Variants in SOBP observed in about 807,000 individuals in gnomAD.
The protein encoded by SOBP is sine oculis-binding protein homolog.
Under a neutral mutation model 53.6 loss-of-function variants are expected in SOBP, and 4 were observed. The ratio of observed to expected loss-of-function variants is 0.07; its 90% CI spans 0.04 to 0.17. The LOEUF (loss-of-function observed/expected upper bound fraction) is 0.17. Ranked by LOEUF, SOBP falls within the 10% of genes least tolerant of loss-of-function variation. The pLI is 1.00. For missense variants in SOBP, 1,088 were observed against 1,204.7 expected, an observed-to-expected ratio of 0.90 and a Z score of 1.43; for synonymous variants, 584 against 522.6, an observed-to-expected ratio of 1.12 and a Z score of -1.60.
chr6:107,490,365 A>C lies in SOBP; in HGVS notation c.-252A>C. 6.0e-6 allele frequency: 1 copy of C among 166,156 alleles called. No homozygotes were observed. 10.3% of individuals were successfully genotyped at this position (166,156 alleles called of 1,614,324 possible). A position where few individuals can be genotyped will look rare whatever the true frequency, so the allele number is the denominator to read the frequency against. ...GGCGGCGGCAGCAGGAGCCGGAGCGACGGCGGCGGCATCCCCGAGACTCTC... is the reference window on the plus strand; with the variant it reads ...GGCGGCGGCAGCAGGAGCCGGAGCGCCGGCGGCGGCATCCCCGAGACTCTC... On this transcript the variant is annotated 5_prime_UTR_variant, in exon 1 of 7. Transcript: ENST00000317357.
At chr6:107,594,314 T>C (rs1003340175) in intron 5 of SOBP, among the ~76,000 whole-genome samples, 1 of 152,158 alleles carries the variant, frequency 6.6e-6, no homozygotes, top group Non-Finnish European at 1.5e-5. Flanking sequence ...GATGATTTAT[T>C]CCAAGGTTGC....
chr6:107,588,481 G>A (rs1347044250), intron 5 of SOBP, among the ~76,000 whole-genome samples: 1 of 152,122 alleles, frequency 6.6e-6, no homozygotes, highest in Non-Finnish European at 1.5e-5. Context: ...TTCCAGGACT[G>A]CTAGCATTAC....
chr6:107,595,839 G>A (rs1169500351), intron 5 of SOBP, among the ~76,000 whole-genome samples: 2 of 152,134 alleles, frequency 1.3e-5, no homozygotes, highest in Non-Finnish European at 2.9e-5. Context: ...GACTGGTAAG[G>A]CAATTTTAAA....
chr6:107,575,706 C>T (rs918698052), intron 4 of SOBP, among the ~76,000 whole-genome samples: 2 of 152,068 alleles, frequency 1.3e-5, no homozygotes, highest in African/African-American at 2.4e-5. Context: ...CCCCAAAATA[C>T]ACCTCCTGGA....
chr6:107,660,608 A>G lies in SOBP; in HGVS notation c.*2405A>G, dbSNP rs1772255657. On this transcript the variant is annotated 3_prime_UTR_variant, in exon 7 of 7. Coordinates refer to ENST00000317357, the MANE Select transcript of SOBP (RefSeq NM_018013.4). ...CACTGACTAGAGAGACTTTTATTTC[A>G]GCCTTATGTGAATGGGGTGGGTCCG... 6.6e-6 allele frequency among the ~76,000 whole-genome samples: 1 copy of G among 152,166 alleles called. No individual in the cohort carries two copies. Among genetic ancestry groups the G allele is most frequent in the Non-Finnish European group, 1.5e-5 (1 of 68,030 alleles).
intron 4 of SOBP, among the ~76,000 whole-genome samples, chr6:107,570,929 G>A (rs1048023852): frequency 9.9e-5 from 15 of 152,150 alleles, no homozygotes; most frequent in African/African-American, 3.1e-4. Flanking sequence ...TTGTGCTTAC[G>A]GTTTTCGTGA....
At position 107,659,003 on chromosome 6, in the gene SOBP, T is replaced by C. The variant is rs900365664; in HGVS notation, c.*800T>C. On this transcript the variant is annotated 3_prime_UTR_variant, in exon 7 of 7. Coordinates refer to ENST00000317357, the MANE Select transcript of SOBP (RefSeq NM_018013.4). The stretch of plus-strand genomic sequence containing the variant: ...TATTCTTCTCAGCTTTCTCTTTAAA[T>C]TCCCCTAAATAGCGCCCCATTTGGG... 2 of 152,648 alleles carry C rather than the reference T, an allele frequency of 1.3e-5. No homozygotes were observed. The highest frequency in any genetic ancestry group is 1.3e-4 in the Admixed American group (2 of 15,288). The allele number at this position is 152,648 out of a possible 1,614,324, so 9.5% of individuals were successfully genotyped here. A position where few individuals can be genotyped will look rare whatever the true frequency, so the allele number is the denominator to read the frequency against.
chr6:107,616,994 G>A (rs1447228309), intron 5 of SOBP, among the ~76,000 whole-genome samples: 2 of 152,144 alleles, frequency 1.3e-5, no homozygotes, highest in African/African-American at 4.8e-5. Context: ...AGGGGCTCCC[G>A]GGCAGTTGCT....
intron 4 of SOBP, among the ~76,000 whole-genome samples, chr6:107,553,298 T>TTTTTTTTA (rs1554294431): frequency 9.7e-4 from 135 of 139,430 alleles, no homozygotes; most frequent in Admixed American, 3.0e-3. Flanking sequence ...CTTATTATTA[T>TTTTTTTTA]TTTATTTATT....
At chr6:107,616,698 C>G (rs1052941587) in intron 5 of SOBP, among the ~76,000 whole-genome samples, 14 of 152,220 alleles carry the variant, frequency 9.2e-5, no homozygotes, top group East Asian at 5.8e-4. Flanking sequence ...CTATGGCGCT[C>G]TCTGCGAGGG....
intron 4 of SOBP, among the ~76,000 whole-genome samples, chr6:107,576,414 A>T (rs1199997753): frequency 1.3e-5 from 2 of 152,184 alleles, no homozygotes; most frequent in Admixed American, 6.5e-5. Flanking sequence ...AAGACAAATT[A>T]TATTTTGGAC....
intron 4 of SOBP, among the ~76,000 whole-genome samples, chr6:107,555,799 G>A (rs1784592920): frequency 6.6e-6 from 1 of 152,188 alleles, no homozygotes; most frequent in Non-Finnish European, 1.5e-5. Flanking sequence ...ACTGCAATTG[G>A]TTAGCAATAC....
At chr6:107,589,907 G>C (rs2115063551) in intron 5 of SOBP, among the ~76,000 whole-genome samples, 1 of 152,270 alleles carries the variant, frequency 6.6e-6, no homozygotes, top group South Asian at 2.1e-4. Flanking sequence ...TATGACTAAA[G>C]AAAACTTTTA....
chr6:107,565,796 C>A (rs554261549), intron 4 of SOBP, among the ~76,000 whole-genome samples: 73 of 152,286 alleles, frequency 4.8e-4, no homozygotes, highest in African/African-American at 1.7e-3. Flanking sequence ...CAGCACCTTC[C>A]AAATCTAACC....
chr6:107,575,407 C>G (rs1037100704), intron 4 of SOBP, among the ~76,000 whole-genome samples: 1 of 152,140 alleles, frequency 6.6e-6, no homozygotes, highest in African/African-American at 2.4e-5. Flanking sequence ...ATTGGTGATG[C>G]CCTCCCCAGT....
intron 5 of SOBP, among the ~76,000 whole-genome samples, chr6:107,608,020 T>C (rs1786452579): frequency 6.6e-6 from 1 of 152,230 alleles, no homozygotes; most frequent in Admixed American, 6.5e-5. Flanking sequence ...GGTTACTTTC[T>C]TTGGGTTGTG....
At chr6:107,516,490 A>AG (rs1412424938) in intron 3 of SOBP, among the ~76,000 whole-genome samples, 2 of 151,606 alleles carry the variant, frequency 1.3e-5, no homozygotes, top group Non-Finnish European at 2.9e-5. Flanking sequence ...AAAAAAAAAA[A>AG]GAAAAGAAAA....
intron 5 of SOBP, among the ~76,000 whole-genome samples, chr6:107,611,980 T>G (rs1040176806): frequency 1.3e-5 from 2 of 152,170 alleles, no homozygotes; most frequent in Admixed American, 1.3e-4. Context: ...TTCATGAATA[T>G]CTTGCCCAGA....
At chr6:107,648,896 A>C (rs929664061) in intron 6 of SOBP, among the ~76,000 whole-genome samples, 1 of 152,180 alleles carries the variant, frequency 6.6e-6, no homozygotes, top group African/African-American at 2.4e-5. Context: ...GATGTAAATT[A>C]GGTGTGCAAT....
Sources: gnomAD v4.1 joint callset for allele counts (sites outside exome capture counted in the v4.1 genomes callset) on GRCh38, gnomAD v4.1.1 for gene constraint, MANE v1.5 for transcripts, NCBI Gene and HGNC (gene_info 2026-07-23, HGNC 2026-07-21) for gene names.